The following MDFIC variants were observed in gnomAD, a reference collection of about 807,000 sequenced individuals.
MDFIC encodes the protein MyoD family inhibitor domain containing, also known as myoD family inhibitor domain-containing protein.
A neutral mutation model predicts 23.2 loss-of-function variants in MDFIC; 17 were observed. That is an observed-to-expected ratio of 0.73 (90% CI 0.50 to 1.10). The LOEUF (loss-of-function observed/expected upper bound fraction) is 1.10. MDFIC is among the 50% of genes least tolerant of loss of function. MDFIC has a pLI of 0.00. For synonymous variants in MDFIC, 120 were observed against 115.2 expected (o/e 1.04, Z -0.27); for missense variants, 356 against 316.6 (o/e 1.12, Z -0.95).
At chr7:114,986,333 A>T (rs147075307) in intron 4 of MDFIC, among the ~76,000 whole-genome samples, 1 of 152,116 alleles carries the variant, frequency 6.6e-6, no homozygotes, top group East Asian at 1.9e-4. Context: ...TACCAGAGGG[A>T]TAATGCATAC....
chr7:115,014,510 A>C, intron 4 of MDFIC: 3 of 1,289,704 alleles, frequency 2.3e-6, no homozygotes, highest in Non-Finnish European at 3.0e-6. Context: ...CCAAATACAG[A>C]AACACAAAGG....
At chr7:114,990,236 C>A (rs1482509808) in intron 4 of MDFIC, among the ~76,000 whole-genome samples, 1 of 152,076 alleles carries the variant, frequency 6.6e-6, no homozygotes, top group African/African-American at 2.4e-5. Flanking sequence ...ATCTTTTACA[C>A]AGTGATTCTG....
chr7:114,987,173 G>A (rs1012570321), intron 4 of MDFIC, among the ~76,000 whole-genome samples: 14 of 152,164 alleles, frequency 9.2e-5, no homozygotes, highest in African/African-American at 2.9e-4. Context: ...TCACTATTCC[G>A]TATGGGTTTC....
At chr7:114,964,196 T>C (rs1370433516) in intron 3 of MDFIC, among the ~76,000 whole-genome samples, 1 of 152,218 alleles carries the variant, frequency 6.6e-6, no homozygotes, top group Non-Finnish European at 1.5e-5. Context: ...TTGTCATTTT[T>C]CCAACTAATT....
intron 2 of MDFIC, chr7:114,923,453 C>T (rs1792131837): frequency 1.3e-6 from 2 of 1,537,654 alleles, no homozygotes; most frequent in Middle Eastern, 1.7e-4. Context: ...AGCGCTTCTC[C>T]TCTAGGTCTC....
intron 3 of MDFIC, among the ~76,000 whole-genome samples, chr7:114,975,906 T>C (rs889403924): frequency 6.6e-6 from 1 of 152,146 alleles, no homozygotes; most frequent in African/African-American, 2.4e-5. Flanking sequence ...CTTGGTTATC[T>C]GATCATAATC....
At chr7:114,929,232 G>A (rs938407993) in intron 2 of MDFIC, among the ~76,000 whole-genome samples, 8 of 151,970 alleles carry the variant, frequency 5.3e-5, no homozygotes, top group Admixed American at 2.0e-4. Flanking sequence ...TCAGCCTCCT[G>A]GGTAGCTGGG....
chr7:114,930,346 G>A (rs1585091427), intron 2 of MDFIC, among the ~76,000 whole-genome samples: 1 of 152,324 alleles, frequency 6.6e-6, no homozygotes, highest in Non-Finnish European at 1.5e-5. Flanking sequence ...TGCATATCAC[G>A]CATGTGTGGG....
chr7:114,952,089 G>A (rs1435073272), intron 3 of MDFIC, among the ~76,000 whole-genome samples: 1 of 152,188 alleles, frequency 6.6e-6, no homozygotes, highest in Non-Finnish European at 1.5e-5. Context: ...TAAACATAAA[G>A]TAATATTCTA....
chr7:114,968,265 C>T (rs1376404925), intron 3 of MDFIC, among the ~76,000 whole-genome samples: 1 of 152,130 alleles, frequency 6.6e-6, no homozygotes, highest in African/African-American at 2.4e-5. Flanking sequence ...TAATACCCCC[C>T]AAATCATGCT....
intron 3 of MDFIC, among the ~76,000 whole-genome samples, chr7:114,948,600 T>C (rs1792696959): frequency 6.6e-6 from 1 of 152,156 alleles, no homozygotes; most frequent in African/African-American, 2.4e-5. Context: ...TCTTTTGTCC[T>C]CCTTTTCTTC....
Position 115,019,133 on chromosome 7 carries a change from G to T in MDFIC, c.*3198G>T, listed in dbSNP as rs1332380735. On this transcript the variant is annotated 3_prime_UTR_variant, in exon 5 of 5. Transcript: ENST00000393486. Reference sequence around the variant, plus strand: ...TGAGATTAAAAACCAAGGTAAAAATGATCAAACATATATGAAATTGAGTCT... The same window carrying T: ...TGAGATTAAAAACCAAGGTAAAAATTATCAAACATATATGAAATTGAGTCT... 6.6e-6 allele frequency: 1 copy of T among 151,678 alleles called. No individual in the cohort carries two copies. The highest frequency in any genetic ancestry group is 1.5e-5 in the Non-Finnish European group (1 of 67,846). 9.4% of individuals were successfully genotyped at this position (151,678 alleles called of 1,614,324 possible). A position where few individuals can be genotyped will look rare whatever the true frequency, so the allele number is the denominator to read the frequency against.
At chr7:114,923,727 CTT>C in intron 2 of MDFIC, 1 of 1,193,480 alleles carries the variant, frequency 8.4e-7, no homozygotes. Context: ...ATAAAATACT[CTT>C]GTGTCTGGGA....
At chr7:115,004,262 C>T (rs1417949069) in intron 4 of MDFIC, among the ~76,000 whole-genome samples, 1 of 152,138 alleles carries the variant, frequency 6.6e-6, no homozygotes, top group Non-Finnish European at 1.5e-5. Context: ...GTAATGCCTG[C>T]GAGGCACTTA....
chr7:114,922,516 G>T lies in MDFIC; in HGVS notation c.-228G>T. ...GGGAGGACGCGCAGGGGCGGCCGCC[G>T]CCGTCGTCAGGCCACCGGGGCGAAA... On this transcript the variant is annotated 5_prime_UTR_variant, in exon 1 of 5. Coordinates refer to ENST00000393486, the MANE Select transcript of MDFIC (RefSeq NM_001166345.3). 1 of 1,259,216 alleles carries T rather than the reference G, an allele frequency of 7.9e-7. No homozygotes were observed. Among genetic ancestry groups the T allele is most frequent in the Non-Finnish European group, 1.0e-6 (1 of 996,016 alleles). 78.0% of individuals were successfully genotyped at this position (1,259,216 alleles called of 1,614,324 possible).
At chr7:115,007,658 T>TATATA (rs1791598681) in intron 4 of MDFIC, among the ~76,000 whole-genome samples, 2 of 115,184 alleles carry the variant, frequency 1.7e-5, no homozygotes, top group African/African-American at 3.4e-5. Flanking sequence ...ATATATATAT[T>TATATA]TATATTTCCT....
Position 114,942,404 on chromosome 7 carries a change from AT to A in MDFIC, c.217+12del, listed in dbSNP as rs1792562139. 1 of 1,559,970 alleles carries A rather than the reference AT, an allele frequency of 6.4e-7. No individual in the cohort carries two copies. The highest frequency in any genetic ancestry group is 8.6e-7 in the Non-Finnish European group (1 of 1,157,632). ...GATGGTGAACTCATTAGAAGTAAGT[AT>A]TTTTAGAAAAAACTTTGAGTGATTT... is the stretch of plus-strand genomic sequence containing the variant. On this transcript the variant is annotated splice_region_variant and intron_variant, in intron 3 of 4. Transcript: ENST00000393486.
intron 4 of MDFIC, among the ~76,000 whole-genome samples, chr7:114,985,401 A>G (rs2115993183): frequency 6.6e-6 from 1 of 152,240 alleles, no homozygotes; most frequent in Non-Finnish European, 1.5e-5. Flanking sequence ...CAAGACAAAG[A>G]TAGTTTAGGG....
chr7:114,970,163 G>A lies in MDFIC; in HGVS notation c.218-9343G>A, dbSNP rs541530506. On this transcript the variant is annotated intron_variant, in intron 3 of 4. Transcript: ENST00000393486. Reference sequence around the variant, plus strand: ...CTGTCCCAGTGGATTTGTTACTGAAGGATTATCTGTTAAGAAGATTCCCCT... The same window carrying A: ...CTGTCCCAGTGGATTTGTTACTGAAAGATTATCTGTTAAGAAGATTCCCCT... Among the ~76,000 whole-genome samples, 110 of 152,278 alleles carry A rather than the reference G, an allele frequency of 7.2e-4. 4 individuals are homozygous for A. In the South Asian group the frequency reaches 0.021, roughly 29 times the overall value.
Sources: allele counts gnomAD v4.1 joint callset (sites outside exome capture counted in the v4.1 genomes callset), GRCh38; gene constraint gnomAD v4.1.1; transcripts MANE v1.5; gene names NCBI Gene and HGNC (gene_info 2026-07-23, HGNC 2026-07-21).